Variants in EXD3 observed in about 807,000 individuals in gnomAD.
The protein encoded by EXD3 is exonuclease mut-7 homolog.
EXD3 carries 92 observed loss-of-function variants against 98.0 expected under a neutral mutation model. That is an observed-to-expected ratio of 0.94 (90% confidence interval 0.79 to 1.12). The LOEUF is 1.12. EXD3 is among the 50% of genes most tolerant of loss of function. EXD3 has a pLI of 0.00. For synonymous variants in EXD3, 569 were observed against 526.0 expected (o/e 1.08, Z -1.12); for missense variants, 1,222 against 1,191.6 (o/e 1.03, Z -0.38).
At position 137,350,821 on chromosome 9, in the gene EXD3, G is replaced by C. The variant is rs1176166069; in HGVS notation, c.1494+217C>G. On this transcript the variant is annotated intron_variant, in intron 14 of 21. Coordinates refer to ENST00000340951, the MANE Select transcript of EXD3 (RefSeq NM_017820.5). ...CACACCAGATAACGGCCCCACAGGG[G>C]CTCAGGGATGCCTGCACCAGGAGGC... Among the ~76,000 whole-genome samples the C allele has an allele frequency of 2.6e-5, 4 of 152,194 alleles. No homozygotes were observed. The East Asian group carries it at 7.7e-4, about 29-fold the overall frequency.
intron 3 of EXD3, among the ~76,000 whole-genome samples, chr9:137,380,718 G>T: frequency 1.7e-5 from 2 of 115,492 alleles, no homozygotes; most frequent in East Asian, 2.5e-4. Flanking sequence ...CCTGCTGGCT[G>T]GCATCCCCTG....
At position 137,373,550 on chromosome 9, in the gene EXD3, G is replaced by A. The variant is rs781730644; in HGVS notation, c.170C>T (p.Ala57Val). 9 of 1,603,570 alleles carry A rather than the reference G, an allele frequency of 5.6e-6. No homozygotes were observed. The South Asian group carries it at 7.8e-5, about 14-fold the overall frequency. ...GCTCTCCAGCATGTCCAGAAGCCCG[G>A]CCAGGGGGTCGTCCAAGGCAGCAAA... The part of the protein sequence containing the change: ...RGFAALDDPL[A>V]GLLDMLESCR... Residue 57 changes from alanine (A) to valine (V), a missense_variant, in exon 4 of 22, where the codon GCC (alanine) becomes GTC (valine). Coordinates refer to ENST00000340951, the MANE Select transcript of EXD3 (RefSeq NM_017820.5).
At chr9:137,410,597 T>C (rs1227095782) in intron 1 of EXD3, among the ~76,000 whole-genome samples, 1 of 152,176 alleles carries the variant, frequency 6.6e-6, no homozygotes, top group Non-Finnish European at 1.5e-5. Context: ...CCACAGAACG[T>C]TGGGTTCTGA....
At position 137,403,341 on chromosome 9, in the gene EXD3, C is replaced by T. The variant is rs187989873; in HGVS notation, c.-47-7937G>A. On this transcript the variant is annotated intron_variant, in intron 1 of 21. Transcript: ENST00000340951. The surrounding 1 kb of genome is among the most constrained non-coding windows in gnomAD (Gnocchi z 6.1). ...CTGTCCAGGAAAAAGCCCTCCCAGCCGCACCTGCCAGCCACTGAGTTTGGG... is the reference window on the plus strand; with the variant it reads ...CTGTCCAGGAAAAAGCCCTCCCAGCTGCACCTGCCAGCCACTGAGTTTGGG... 1.8e-3 allele frequency among the ~76,000 whole-genome samples: 276 copies of T among 152,146 alleles called. No individual in the cohort carries two copies. The highest frequency in any genetic ancestry group is 6.3e-3 in the African/African-American group (261 of 41,520).
rs1407263769 is a variant in EXD3, at chr9:137,360,461, TTC to T, written c.657-4095_657-4094del. ...CTTTCATCCTTCCTTCCTTTTCTTC[TTC>T]TTTTTTTTTTTTTTTGAGATGGAGT... On this transcript the variant is annotated intron_variant, in intron 7 of 21. Transcript: ENST00000340951. 3.1e-4 allele frequency among the ~76,000 whole-genome samples: 11 copies of T among 35,772 alleles called. 2 individuals are homozygous for T. Among genetic ancestry groups the T allele is most frequent in the African/African-American group, 1.2e-3 (11 of 8,850 alleles). The allele number at this position is 35,772 out of a possible 152,430, so 23.5% of individuals were successfully genotyped here. A position where few individuals can be genotyped will look rare whatever the true frequency, so the allele number is the denominator to read the frequency against.
At position 137,319,951 on chromosome 9, in the gene EXD3, G is replaced by T. The variant is rs1831939513; in HGVS notation, c.2184+3774C>A. On this transcript the variant is annotated intron_variant, in intron 19 of 21. Coordinates refer to ENST00000340951, the MANE Select transcript of EXD3 (RefSeq NM_017820.5). The stretch of plus-strand genomic sequence containing the variant: ...CCAACAAGGGCCTCCCTCCCACCTG[G>T]GCTCCGACCTGAGGCCGCATGTGGC... 2.6e-5 allele frequency among the ~76,000 whole-genome samples: 4 copies of T among 152,152 alleles called. No individual in the cohort carries two copies. The South Asian group carries it at 8.3e-4, about 31-fold the overall frequency.
intron 5 of EXD3, among the ~76,000 whole-genome samples, chr9:137,369,409 C>A (rs1232200018): frequency 6.6e-6 from 1 of 152,176 alleles, no homozygotes; most frequent in East Asian, 1.9e-4. Context: ...CCGTTCAGAA[C>A]CGCAGGGTGG....
At chr9:137,391,454 C>A (rs923597186) in intron 2 of EXD3, among the ~76,000 whole-genome samples, 1 of 152,236 alleles carries the variant, frequency 6.6e-6, no homozygotes, top group African/African-American at 2.4e-5. Flanking sequence ...TTGGAGGCTC[C>A]CATTGTCCGG....
At position 137,347,671 on chromosome 9, in the gene EXD3, T is replaced by A. The variant is rs1820040789; in HGVS notation, c.1998+400A>T. Among the ~76,000 whole-genome samples, 1 of 152,026 alleles carries A rather than the reference T, an allele frequency of 6.6e-6. No homozygotes were observed. The highest frequency in any genetic ancestry group is 2.4e-5 in the African/African-American group (1 of 41,382). On this transcript the variant is annotated intron_variant, in intron 17 of 21. Transcript: ENST00000340951. The surrounding 1 kb of genome is among the most constrained non-coding windows in gnomAD (Gnocchi z 4.2). ...ATTGGTCAGGCTGGTCTCCAACTCCTGGCCTCAAGTGATCCACCCACCTCG... is the reference window on the plus strand; with the variant it reads ...ATTGGTCAGGCTGGTCTCCAACTCCAGGCCTCAAGTGATCCACCCACCTCG...
intron 10 of EXD3, chr9:137,353,213 G>A: frequency 1.0e-6 from 1 of 982,440 alleles, no homozygotes; most frequent in Non-Finnish European, 1.2e-6. Flanking sequence ...TGGCCTCCAA[G>A]CCTCCACTGA....
chr9:137,403,726 G>A lies in EXD3; in HGVS notation c.-47-8322C>T, dbSNP rs552441857. On this transcript the variant is annotated intron_variant, in intron 1 of 21. Transcript: ENST00000340951. This position sits in a 1 kb window ranked among gnomAD's most constrained non-coding sequence, Gnocchi z 6.1. The stretch of plus-strand genomic sequence containing the variant: ...CTCCCAGCAGGGCAGACCCAGCCAC[G>A]CAGAGCCCACCGCCAGCTTCCAAGG... Among the ~76,000 whole-genome samples, 6 of 152,280 alleles carry A rather than the reference G, an allele frequency of 3.9e-5. No individual in the cohort carries two copies. The South Asian group carries it at 1.0e-3, about 26-fold the overall frequency.
chr9:137,330,448 A>G (rs1331451506), intron 17 of EXD3, among the ~76,000 whole-genome samples: 1 of 145,624 alleles, frequency 6.9e-6, no homozygotes, highest in East Asian at 2.2e-4. Flanking sequence ...ACACAGGACT[A>G]CACAGGAGCT....
At position 137,323,836 on chromosome 9, in the gene EXD3, AG is replaced by A; in HGVS notation, c.2072del (p.Ala691ValfsTer11). 1 of 1,611,626 alleles carries A rather than the reference AG, an allele frequency of 6.2e-7. No homozygotes were observed. On this transcript the variant is annotated frameshift_variant, in exon 19 of 22. Coordinates refer to ENST00000340951, the MANE Select transcript of EXD3 (RefSeq NM_017820.5). LOFTEE classifies it high-confidence loss of function. ...PFHKLRAQVG[A>X]GRCLSVDCSL... Reference sequence around the variant, plus strand: ...AGCAGTCGACCGAGAGGCAGCGCCCAGCCCCGACCTGGGCCCGGAGCTGCAA... The same window carrying A: ...AGCAGTCGACCGAGAGGCAGCGCCCACCCCGACCTGGGCCCGGAGCTGCAA...
chr9:137,378,849 T>TG (rs1330870062), intron 3 of EXD3, among the ~76,000 whole-genome samples: 4 of 149,820 alleles, frequency 2.7e-5, no homozygotes, highest in African/African-American at 9.8e-5. Flanking sequence ...ACAAGGGGAA[T>TG]GGGGCGTCTG....
intron 1 of EXD3, among the ~76,000 whole-genome samples, chr9:137,408,896 G>C (rs539811420): frequency 1.3e-5 from 2 of 152,312 alleles, no homozygotes; most frequent in East Asian, 3.9e-4. Flanking sequence ...AAGTCTGCAG[G>C]GCTGTTTTTA....
intron 17 of EXD3, among the ~76,000 whole-genome samples, chr9:137,336,415 C>A (rs576537886): frequency 6.6e-6 from 1 of 152,200 alleles, no homozygotes; most frequent in Non-Finnish European, 1.5e-5. Flanking sequence ...AATCCCAGCA[C>A]TTCGGCAGGC....
chr9:137,354,018 T>A, intron 10 of EXD3: 1 of 1,161,704 alleles, frequency 8.6e-7, no homozygotes. Context: ...CCAGGCGCCT[T>A]GCACCTCTCT....
At chr9:137,422,445 A>G (rs1483297603) in intron 1 of EXD3, among the ~76,000 whole-genome samples, 2 of 152,120 alleles carry the variant, frequency 1.3e-5, no homozygotes, top group Admixed American at 6.5e-5. Context: ...GCCGTGGTCA[A>G]TCGCGAACCA....
chr9:137,355,520 AGGAGGATG>A (rs1834638086), intron 8 of EXD3, among the ~76,000 whole-genome samples: 4 of 37,702 alleles, frequency 1.1e-4, no homozygotes, highest in African/African-American at 5.1e-4. Context: ...GGAAGGAGGA[AGGAGGATG>A]GAGGAAGGAG....
Sources: allele counts gnomAD v4.1 joint callset (sites outside exome capture counted in the v4.1 genomes callset), GRCh38; gene constraint gnomAD v4.1.1; non-coding constraint Gnocchi (gnomAD v3.1); transcripts MANE v1.5; gene names NCBI Gene and HGNC (gene_info 2026-07-23, HGNC 2026-07-21).